Variants in TLN2 observed in about 807,000 individuals in gnomAD.
TLN2 encodes the protein talin 2, also known as talin-2.
Under a neutral mutation model 294.7 loss-of-function variants are expected in TLN2, and 118 were observed. That is an observed-to-expected ratio of 0.40 (90% confidence interval 0.34 to 0.47). The LOEUF is 0.47. TLN2 is among the 20% of genes least tolerant of loss of function. TLN2 has a pLI of 0.84. For missense variants in TLN2, 3,083 were observed against 3,282.2 expected (o/e 0.94, Z 1.48); for synonymous variants, 1,431 against 1,304.5 (o/e 1.10, Z -2.09).
intron 52 of TLN2, among the ~76,000 whole-genome samples, chr15:62,819,303 G>A (rs2067362257): frequency 6.6e-6 from 1 of 152,152 alleles, no homozygotes; most frequent in Non-Finnish European, 1.5e-5. Context: ...GACCTTAGAG[G>A]CACCACTGGT....
chr15:62,549,972 T>G (rs1028493952), intron 1 of TLN2, among the ~76,000 whole-genome samples: 3 of 151,956 alleles, frequency 2.0e-5, no homozygotes, highest in African/African-American at 7.2e-5. Context: ...CTGGGCAACA[T>G]ACTTTAATCT....
chr15:62,429,317 T>G (rs1279928432), intron 1 of TLN2, among the ~76,000 whole-genome samples: 2 of 152,174 alleles, frequency 1.3e-5, no homozygotes, highest in Non-Finnish European at 2.9e-5. Context: ...ATGAACTGAT[T>G]CATCGGTTGG....
chr15:62,833,436 A>C, intron 54 of TLN2, 68 bp from the exon 55 acceptor site: 6 of 1,580,068 alleles, frequency 3.8e-6, no homozygotes, highest in Non-Finnish European at 5.2e-6. Flanking sequence ...CCCGGCAGTA[A>C]GTAGTTTGGA....
chr15:62,575,853 C>G (rs937007814), intron 1 of TLN2, among the ~76,000 whole-genome samples: 29 of 152,162 alleles, frequency 1.9e-4, no homozygotes, highest in African/African-American at 7.0e-4. Context: ...TGGAAAATGC[C>G]CAGCCCTCCC....
chr15:62,676,088 C>T (rs11631589), intron 11 of TLN2, among the ~76,000 whole-genome samples: 46,538 of 152,122 alleles, frequency 0.31, 9,172 homozygotes, highest in Non-Finnish European at 0.43. Flanking sequence ...GCAAACCAGC[C>T]GTGTTGCGGC....
At chr15:62,444,077 C>T (rs533275912) in intron 1 of TLN2, among the ~76,000 whole-genome samples, 11 of 152,294 alleles carry the variant, frequency 7.2e-5, no homozygotes, top group African/African-American at 2.2e-4. Flanking sequence ...GAGCACCTAC[C>T]GATGTGAGCC....
At chr15:62,647,203 TTTTTTTG>T in intron 3 of TLN2, 65 bp from the exon 4 acceptor site, 1 of 1,411,252 alleles carries the variant, frequency 7.1e-7, no homozygotes, top group South Asian at 1.4e-5. Flanking sequence ...AGTCCAGCAC[TTTTTTTG>T]TTTTTTTTTC....
chr15:62,647,418 A>G lies in TLN2; in HGVS notation c.108A>G (p.Glu36=). 1 of 1,614,224 alleles carries G rather than the reference A, an allele frequency of 6.2e-7. No individual in the cohort carries two copies. The highest frequency in any genetic ancestry group is 8.5e-7 in the Non-Finnish European group (1 of 1,180,032). Reference sequence around the variant, plus strand: ...ACGATGCGTGTCGAGTCATTCGGGAACGGGTGCCTGAGGCACAAACTGGGC... The same window carrying G: ...ACGATGCGTGTCGAGTCATTCGGGAGCGGGTGCCTGAGGCACAAACTGGGC... The part of the protein sequence containing the change: ...AVYDACRVIR[E]RVPEAQTGQA... The change falls in exon 4 of 59, where the codon GAA becomes GAG. Residue 36 remains glutamate (E), a synonymous_variant. Transcript: ENST00000636159.
chr15:62,720,720 T>A (rs1015523964), intron 25 of TLN2, among the ~76,000 whole-genome samples: 5 of 152,190 alleles, frequency 3.3e-5, no homozygotes, highest in Non-Finnish European at 4.4e-5. Context: ...ATAGGCCCTT[T>A]GTGTTTTTCA....
chr15:62,486,995 C>T (rs771319152), intron 1 of TLN2, among the ~76,000 whole-genome samples: 4 of 152,094 alleles, frequency 2.6e-5, no homozygotes, highest in Non-Finnish European at 5.9e-5. Flanking sequence ...AGATCCATCC[C>T]AGAGATAGAA....
intron 41 of TLN2, among the ~76,000 whole-genome samples, chr15:62,768,456 G>A (rs1478693748): frequency 1.3e-5 from 2 of 152,102 alleles, no homozygotes; most frequent in African/African-American, 4.8e-5. Context: ...TTTAGAGCCC[G>A]TCCCGGTAAC....
chr15:62,706,965 A>T, intron 19 of TLN2, 121 bp from the exon 20 acceptor site: 1 of 1,256,508 alleles, frequency 8.0e-7, no homozygotes, highest in Non-Finnish European at 1.1e-6. Context: ...AAAAAAAAGT[A>T]AAAAAACTTC....
intron 1 of TLN2, among the ~76,000 whole-genome samples, chr15:62,415,862 G>A (rs1324900945): frequency 6.6e-6 from 1 of 152,208 alleles, no homozygotes; most frequent in Non-Finnish European, 1.5e-5. Flanking sequence ...AGCCCTCCAT[G>A]TCCATGCAGT....
chr15:62,595,412 CA>C (rs35989710), intron 2 of TLN2, among the ~76,000 whole-genome samples: 537 of 82,160 alleles, frequency 6.5e-3, no homozygotes, highest in African/African-American at 0.013. Context: ...GACTCCGTCT[CA>C]AAAAAAAAAA....
intron 1 of TLN2, among the ~76,000 whole-genome samples, chr15:62,534,804 C>G (rs2041244231): frequency 6.6e-6 from 1 of 152,164 alleles, no homozygotes. Flanking sequence ...CTGGAGATCC[C>G]CAGCACTTCA....
chr15:62,586,386 AG>A (rs923237774), intron 1 of TLN2, among the ~76,000 whole-genome samples: 2 of 152,216 alleles, frequency 1.3e-5, no homozygotes, highest in African/African-American at 4.8e-5. Flanking sequence ...CAGCAGATGA[AG>A]GGGGTTAATT....
intron 14 of TLN2, among the ~76,000 whole-genome samples, chr15:62,695,115 A>G (rs371837151): frequency 8.5e-5 from 13 of 152,346 alleles, no homozygotes; most frequent in African/African-American, 3.1e-4. Flanking sequence ...AGCCCCATTT[A>G]TAGATGAGGA....
chr15:62,681,261 AT>A (rs2056802936), intron 11 of TLN2, among the ~76,000 whole-genome samples: 1 of 152,268 alleles, frequency 6.6e-6, no homozygotes, highest in Non-Finnish European at 1.5e-5. Flanking sequence ...TTGTGAAGGA[AT>A]TATGCTAATG....
chr15:62,619,631 G>T (rs2048605222), intron 3 of TLN2, among the ~76,000 whole-genome samples: 1 of 152,064 alleles, frequency 6.6e-6, no homozygotes, highest in Non-Finnish European at 1.5e-5. Context: ...ACTGGATTAG[G>T]GTGGGCCCTG....
Sources: gnomAD v4.1 joint callset for allele counts (sites outside exome capture counted in the v4.1 genomes callset) on GRCh38, gnomAD v4.1.1 for gene constraint, MANE v1.5 for transcripts, NCBI Gene and HGNC (gene_info 2026-07-23, HGNC 2026-07-21) for gene names.